Variants in LAMB3 observed in about 807,000 individuals in gnomAD.
LAMB3 encodes the protein laminin subunit beta 3.
LAMB3 carries 104 observed loss-of-function variants against 140.3 expected under a neutral mutation model. The ratio of observed to expected loss-of-function variants is 0.74; its 90% CI spans 0.63 to 0.87. The LOEUF (loss-of-function observed/expected upper bound fraction) is 0.87. Ranked by LOEUF, LAMB3 falls within the 40% of genes least tolerant of loss-of-function variation. The pLI, the probability that LAMB3 is intolerant of heterozygous loss-of-function variation, is 0.00. For synonymous variants in LAMB3, 592 were observed against 602.9 expected (o/e 0.98, Z 0.26); for missense variants, 1,531 against 1,575.2 (o/e 0.97, Z 0.47).
intron 3 of LAMB3, among the ~76,000 whole-genome samples, chr1:209,646,230 G>A (rs1374494027): frequency 6.6e-6 from 1 of 152,238 alleles, no homozygotes; most frequent in Non-Finnish European, 1.5e-5. Flanking sequence ...CTTGAGGAAT[G>A]CGTGTCATCC....
intron 11 of LAMB3, 45 bp from the exon 12 acceptor site, chr1:209,627,624 AACTC>A (rs773479579): frequency 5.7e-6 from 9 of 1,587,520 alleles, no homozygotes; most frequent in Non-Finnish European, 7.8e-6. Context: ...CTCCATGAAA[AACTC>A]ACCCCCAGAG....
At chr1:209,646,382 C>T (rs1297379039) in intron 3 of LAMB3, among the ~76,000 whole-genome samples, 4 of 152,220 alleles carry the variant, frequency 2.6e-5, no homozygotes, top group Non-Finnish European at 4.4e-5. Context: ...CAAAGGTTGA[C>T]TAACCCAGCT....
At chr1:209,622,451 G>A in intron 18 of LAMB3, 85 bp downstream of exon 18, 1 of 1,517,434 alleles carries the variant, frequency 6.6e-7, no homozygotes, top group Non-Finnish European at 9.1e-7. Context: ...ACTAGGGAGG[G>A]AGGGCTGGCT....
At chr1:209,640,670 G>T (rs1425462416) in intron 3 of LAMB3, among the ~76,000 whole-genome samples, 1 of 151,988 alleles carries the variant, frequency 6.6e-6, no homozygotes, top group Non-Finnish European at 1.5e-5. Context: ...TTGACACATT[G>T]CATATTTACT....
rs571737727 is a variant in LAMB3, at chr1:209,619,612, G to A, written c.2702-953C>T. On this transcript the variant is annotated intron_variant, in intron 18 of 22. Coordinates refer to ENST00000356082, the MANE Select transcript of LAMB3 (RefSeq NM_000228.3). ...GTTACAAACCAACTCTGGGTCAGAGGGTAAGGTCAGAAGTACAGAGATGAC... is the reference window on the plus strand; with the variant it reads ...GTTACAAACCAACTCTGGGTCAGAGAGTAAGGTCAGAAGTACAGAGATGAC... Among the ~76,000 whole-genome samples the A allele has an allele frequency of 2.6e-5, 4 of 152,302 alleles. No individual in the cohort carries two copies. The South Asian group carries it at 6.2e-4, about 24-fold the overall frequency.
chr1:209,633,175 A>C, intron 6 of LAMB3, 42 bp from the exon 7 acceptor site: 15 of 1,407,824 alleles, frequency 1.1e-5, no homozygotes, highest in Admixed American at 1.7e-5. Context: ...GAAGAGACAA[A>C]TAGTGTGCCC....
At position 209,634,463 on chromosome 1, in the gene LAMB3, C is replaced by T. The variant is rs150895872; in HGVS notation, c.548G>A (p.Arg183His). ...TCTACCTACCTTCCCCCCATTTAGG[C>T]GTGCATTAGGCCTCTGAGGCAGGGA... ...CQSLPQRPNA[R>H]LNGGKVQLNL... Residue 183 changes from arginine to histidine, a missense_variant, in exon 6 of 23, where the codon CGC becomes CAC. Arg to His is a conservative substitution (Grantham distance 29). Transcript: ENST00000356082. 1,519 of 1,614,060 alleles carry T rather than the reference C, an allele frequency of 9.4e-4. 2 individuals are homozygous for T. Among genetic ancestry groups the T allele is most frequent in the Non-Finnish European group, 1.0e-3 (1,232 of 1,180,002 alleles).
chr1:209,627,516 C>A lies in LAMB3; in HGVS notation c.1352G>T (p.Cys451Phe). 1 of 1,614,104 alleles carries A rather than the reference C, an allele frequency of 6.2e-7. No individual in the cohort carries two copies. ...ACCCACCACGTTGGGCAGACAAAGG[C>A]AGCGCCCACTCTCCTCGTCACACGG... ...DMPCDEESGRCLCLPNVVGPK... is the reference protein window; with the variant it reads ...DMPCDEESGRFLCLPNVVGPK... Residue 451 changes from cysteine to phenylalanine, a missense_variant, in exon 12 of 23, where the codon TGC (cysteine) becomes TTC (phenylalanine). By Grantham distance (205) the Cys-to-Phe change is radical. Coordinates refer to ENST00000356082, the MANE Select transcript of LAMB3 (RefSeq NM_000228.3).
rs568428420 is a variant in LAMB3, at chr1:209,623,091, G to T, written c.2447C>A (p.Ser816Tyr). The part of the protein sequence containing the change: ...CPQDNGTACG[S>Y]RCRGVLPRAG... The stretch of plus-strand genomic sequence containing the variant: ...CCTGGGAAGGACACCCCTGCAGCGG[G>T]AGCCACAGGCTGTGCCATTGTCTTG... Residue 816 changes from serine to tyrosine, a missense_variant, in exon 17 of 23, where the codon TCC (serine) becomes TAC (tyrosine). By Grantham distance (144) the Ser-to-Tyr change is moderately radical. Coordinates refer to ENST00000356082, the MANE Select transcript of LAMB3 (RefSeq NM_000228.3). The surrounding 1 kb of genome is among the most constrained non-coding windows in gnomAD (Gnocchi z 4.2). 6.2e-7 allele frequency: 1 copy of T among 1,614,214 alleles called. No homozygotes were observed. The highest frequency in any genetic ancestry group is 8.5e-7 in the Non-Finnish European group (1 of 1,180,030).
At position 209,643,334 on chromosome 1, in the gene LAMB3, C is replaced by T. The variant is rs145122393; in HGVS notation, c.184-4686G>A. The stretch of plus-strand genomic sequence containing the variant: ...CCCCCATCTCTCCCAGTGATGGCAG[C>T]TCTCTGCTGCAGCTGCCTCCCTCTC... On this transcript the variant is annotated intron_variant, in intron 3 of 22. Transcript: ENST00000356082. Among the ~76,000 whole-genome samples, 70 of 152,350 alleles carry T rather than the reference C, an allele frequency of 4.6e-4. 1 individual carries two copies. In the East Asian group the frequency reaches 0.012, roughly 27 times the overall value.
intron 3 of LAMB3, among the ~76,000 whole-genome samples, chr1:209,640,302 C>A (rs2076456654): frequency 6.6e-6 from 1 of 152,218 alleles, no homozygotes; most frequent in African/African-American, 2.4e-5. Flanking sequence ...GTAATCCCAG[C>A]ACTTTAGGAG....
intron 3 of LAMB3, among the ~76,000 whole-genome samples, chr1:209,648,769 G>A (rs1382666834): frequency 6.6e-6 from 1 of 152,090 alleles, no homozygotes; most frequent in Admixed American, 6.5e-5. Context: ...ATCGGCAGAG[G>A]TCTCCCTGAA....
chr1:209,621,947 A>C (rs1418540118), intron 18 of LAMB3, among the ~76,000 whole-genome samples: 1 of 152,226 alleles, frequency 6.6e-6, no homozygotes, highest in Non-Finnish European at 1.5e-5. Flanking sequence ...ACTTGTTGAC[A>C]ACTGAATGAG....
In LAMB3 at chr1:209,623,920, T is replaced by C; in HGVS notation, c.2057A>G (p.Asp686Gly). 1.2e-6 allele frequency: 2 copies of C among 1,614,128 alleles called. No individual in the cohort carries two copies. The highest frequency in any genetic ancestry group is 2.2e-5 in the South Asian group (2 of 91,084). The change falls in exon 15 of 23, where the codon GAC becomes GGC. Residue 686 changes from aspartate to glycine, a missense_variant. Asp to Gly is a moderately conservative substitution (Grantham distance 94). Coordinates refer to ENST00000356082, the MANE Select transcript of LAMB3 (RefSeq NM_000228.3). The surrounding 1 kb of genome is among the most constrained non-coding windows in gnomAD (Gnocchi z 4.2). ...LSLPRDLESL[D>G]RSFNGLLTMY... ...AGTAAGGAGACCATTGAAGCTTCTG[T>C]CAAGACTCTCCAGGTCTCTCGGAAG... is the stretch of plus-strand genomic sequence containing the variant.
Position 209,638,557 on chromosome 1 carries a change from A to G in LAMB3, c.275T>C (p.Met92Thr), listed in dbSNP as rs746748625. ...ACCATTCTGTGACTGCCACCAGCGC[A>G]TGGGGCCGGAGGATGAAGCCACATT... is the stretch of plus-strand genomic sequence containing the variant. The part of the protein sequence containing the change: ...VENVASSSGP[M>T]RWWQSQNDVN... The change falls in exon 4 of 23, where the codon ATG becomes ACG. Residue 92 changes from methionine (M) to threonine (T), a missense_variant. Met to Thr is a moderately conservative substitution (Grantham distance 81, BLOSUM62 -1). Coordinates refer to ENST00000356082, the MANE Select transcript of LAMB3 (RefSeq NM_000228.3). 7 of 1,612,364 alleles carry G rather than the reference A, an allele frequency of 4.3e-6. No homozygotes were observed. The highest frequency in any genetic ancestry group is 5.9e-6 in the Non-Finnish European group (7 of 1,178,478).
rs2102446148 is a variant in LAMB3, at chr1:209,638,553, G to A, written c.279C>T (p.Arg93=). 6.2e-7 allele frequency: 1 copy of A among 1,612,206 alleles called. No individual in the cohort carries two copies. Among genetic ancestry groups the A allele is most frequent in the Non-Finnish European group, 8.5e-7 (1 of 1,178,224 alleles). ...GCTCACCATTCTGTGACTGCCACCA[G>A]CGCATGGGGCCGGAGGATGAAGCCA... ...ENVASSSGPM[R]WWQSQNDVNP... is the part of the protein sequence containing the mutation. The change falls in exon 4 of 23, where the codon CGC becomes CGT. Residue 93 remains arginine (R), a synonymous_variant. Coordinates refer to ENST00000356082, the MANE Select transcript of LAMB3 (RefSeq NM_000228.3).
chr1:209,636,072 G>A lies in LAMB3; in HGVS notation c.373-1434C>T, dbSNP rs560977275. 3.9e-4 allele frequency among the ~76,000 whole-genome samples: 60 copies of A among 152,242 alleles called. 1 individual carries two copies. The highest frequency in any genetic ancestry group is 2.0e-4 in the Admixed American group (3 of 15,288). Reference sequence around the variant, plus strand: ...GACTGAACTGCATTCTCCTGCTCACGTCTGGCCCACCCCACCCTGCCCCAT... The same window carrying A: ...GACTGAACTGCATTCTCCTGCTCACATCTGGCCCACCCCACCCTGCCCCAT... On this transcript the variant is annotated intron_variant, in intron 5 of 22. Coordinates refer to ENST00000356082, the MANE Select transcript of LAMB3 (RefSeq NM_000228.3).
Position 209,617,904 on chromosome 1 carries a change from C to T in LAMB3, c.3051+3G>A, listed in dbSNP as rs183508189. ...ATGGGCGGAGGAAGCCATAATGCCTCACCTCAGCAACCCTGTCCTGGATAA... is the reference window on the plus strand; with the variant it reads ...ATGGGCGGAGGAAGCCATAATGCCTTACCTCAGCAACCCTGTCCTGGATAA... On this transcript the variant is annotated splice_donor_region_variant and intron_variant, in intron 20 of 22. Transcript: ENST00000356082. 89 of 1,614,214 alleles carry T rather than the reference C, an allele frequency of 5.5e-5. No individual in the cohort carries two copies. The Admixed American group carries it at 1.0e-3, about 18-fold the overall frequency.
Position 209,638,576 on chromosome 1 carries a change from C to G in LAMB3, c.256G>C (p.Ala86Pro). Residue 86 changes from alanine to proline, a missense_variant, in exon 4 of 23, where the codon GCT becomes CCT. Physicochemically the swap from Ala to Pro is conservative, Grantham distance 27. Transcript: ENST00000356082. ...CAGCGCATGGGGCCGGAGGATGAAG[C>G]CACATTCTCTACTCGGTGACTGTAG... is the stretch of plus-strand genomic sequence containing the variant. ...NYYSHRVENV[A>P]SSSGPMRWWQ... The G allele has an allele frequency of 6.2e-7, 1 of 1,614,066 alleles. No homozygotes were observed. The highest frequency in any genetic ancestry group is 8.5e-7 in the Non-Finnish European group (1 of 1,179,934).
Sources: allele counts gnomAD v4.1 joint callset (sites outside exome capture counted in the v4.1 genomes callset), GRCh38; gene constraint gnomAD v4.1.1; non-coding constraint Gnocchi (gnomAD v3.1); transcripts MANE v1.5; gene names NCBI Gene and HGNC (gene_info 2026-07-23, HGNC 2026-07-21).